NIN: variants seen among roughly 807,000 people sequenced by gnomAD.
NIN encodes the protein glycogen synthase kinase 3 beta-interacting protein.
Under a neutral mutation model 257.6 loss-of-function variants are expected in NIN, and 137 were observed. The ratio of observed to expected loss-of-function variants is 0.53; its 90% CI spans 0.46 to 0.61. NIN has a LOEUF of 0.61. Ranked by LOEUF, NIN falls within the 20% of genes least tolerant of loss-of-function variation. The probability of loss-of-function intolerance (pLI) is 0.00; values close to 1 mark genes in which losing one functional copy is unlikely to be tolerated. For synonymous variants in NIN, 918 were observed against 919.8 expected, an observed-to-expected ratio of 1.00 and a Z score of 0.04; for missense variants, 2,439 against 2,501.2, an observed-to-expected ratio of 0.98 and a Z score of 0.53.
At chr14:50,809,614 A>G (rs1213284726) in intron 3 of NIN, among the ~76,000 whole-genome samples, 1 of 152,210 alleles carries the variant, frequency 6.6e-6, no homozygotes, top group African/African-American at 2.4e-5. Flanking sequence ...GATGGAGGCC[A>G]TTGGAAATAA....
chr14:50,760,797 T>A lies in NIN; in HGVS notation c.1897-438A>T, dbSNP rs148941854. ...AAGCAATCCTCCCACCTCAGCCTCC[T>A]GAGTAGTTGGGACTAAAGGCACACA... On this transcript the variant is annotated intron_variant, in intron 16 of 30. Coordinates refer to ENST00000530997, the MANE Select transcript of NIN (RefSeq NM_020921.4). Among the ~76,000 whole-genome samples, 561 of 152,222 alleles carry A rather than the reference T, an allele frequency of 3.7e-3. 1 individual carries two copies. Among genetic ancestry groups the A allele is most frequent in the Non-Finnish European group, 5.6e-3 (383 of 68,008 alleles).
intron 2 of NIN, among the ~76,000 whole-genome samples, chr14:50,827,609 T>G (rs1276634798): frequency 9.0e-6 from 1 of 111,374 alleles, no homozygotes; most frequent in Non-Finnish European, 1.9e-5. Flanking sequence ...AAAAAAAAAA[T>G]AGCTAGGTGT....
At chr14:50,811,850 C>T (rs1011645446) in intron 3 of NIN, among the ~76,000 whole-genome samples, 4 of 152,008 alleles carry the variant, frequency 2.6e-5, no homozygotes, top group East Asian at 1.9e-4. Flanking sequence ...AAAAATTAGC[C>T]AGGCGTGGTG....
At chr14:50,789,847 C>A (rs1317917128) in intron 5 of NIN, among the ~76,000 whole-genome samples, 1 of 152,234 alleles carries the variant, frequency 6.6e-6, no homozygotes, top group East Asian at 1.9e-4. Flanking sequence ...AACTGCTAAG[C>A]CTAATATGGA....
In NIN at chr14:50,728,177, A is replaced by G. The variant is rs559004901; in HGVS notation, c.6078+1346T>C. Among the ~76,000 whole-genome samples the G allele has an allele frequency of 3.9e-5, 6 of 152,256 alleles. No individual in the cohort carries two copies. In the East Asian group the frequency reaches 9.6e-4, roughly 24 times the overall value. On this transcript the variant is annotated intron_variant, in intron 29 of 30. Coordinates refer to ENST00000530997, the MANE Select transcript of NIN (RefSeq NM_020921.4). The stretch of plus-strand genomic sequence containing the variant: ...GCAGGCTTTGAAAATAGGGTGTAAG[A>G]GAGCAATGAGAAGAATCTTGGCGGA...
Position 50,738,214 on chromosome 14 carries a change from T to TG in NIN, c.5700dup (p.Thr1901HisfsTer13). The TG allele has an allele frequency of 6.2e-7, 1 of 1,614,126 alleles. No individual in the cohort carries two copies. The highest frequency in any genetic ancestry group is 8.5e-7 in the Non-Finnish European group (1 of 1,179,992). On this transcript the variant is annotated frameshift_variant, in exon 27 of 31. Transcript: ENST00000530997. LOFTEE classifies it high-confidence loss of function. The stretch of plus-strand genomic sequence containing the variant: ...TTTAAGCTCAATTTTTCTTGCTCTG[T>TG]GGGATTCATGGTACCTGATGGGTTT...
intron 2 of NIN, among the ~76,000 whole-genome samples, chr14:50,827,277 G>A (rs959621173): frequency 7.2e-5 from 11 of 152,120 alleles, no homozygotes; most frequent in African/African-American, 1.9e-4. Context: ...GAATACTTCC[G>A]CCAAAAACCA....
intron 28 of NIN, among the ~76,000 whole-genome samples, chr14:50,734,311 C>T (rs1331788100): frequency 1.3e-5 from 2 of 151,912 alleles, no homozygotes; most frequent in African/African-American, 2.4e-5. Flanking sequence ...AGGCTGGTCT[C>T]GAACTCCTGA....
rs537830310 is a variant in NIN at position 50,732,960 on chromosome 14, T to C, written c.5877+2556A>G. 5.9e-5 allele frequency among the ~76,000 whole-genome samples: 9 copies of C among 151,968 alleles called. No homozygotes were observed. The South Asian group carries it at 1.9e-3, about 32-fold the overall frequency. ...AGAGATCAGGGAACTCCCAACACTT[T>C]GGGAGGCTGAGGTGGGAGGATTGCT... is the stretch of plus-strand genomic sequence containing the variant. On this transcript the variant is annotated intron_variant, in intron 28 of 30. Coordinates refer to ENST00000530997, the MANE Select transcript of NIN (RefSeq NM_020921.4).
In NIN at chr14:50,729,612, G is replaced by GCTGCAGAAA. The variant is rs758471630; in HGVS notation, c.5980_5988dup (p.Phe1994_Gln1996dup). ...TCTGCCTGCAGCAGCTGGCGTTGAAGCTGCAGAAACTGCTCCCTGGGCACC... is the reference window on the plus strand; with the variant it reads ...TCTGCCTGCAGCAGCTGGCGTTGAAGCTGCAGAAACTGCAGAAACTGCTCCCTGGGCACC... On this transcript the variant is annotated inframe_insertion, in exon 29 of 31. Transcript: ENST00000530997. The GCTGCAGAAA allele has an allele frequency of 4.5e-5, 72 of 1,613,986 alleles. No homozygotes were observed. In the African/African-American group the frequency reaches 8.9e-4, roughly 20 times the overall value.
intron 3 of NIN, among the ~76,000 whole-genome samples, chr14:50,813,573 T>A (rs2044741940): frequency 6.6e-6 from 1 of 152,258 alleles, no homozygotes; most frequent in Admixed American, 6.5e-5. Context: ...AAACGCAATT[T>A]GCTTTTTTTT....
At chr14:50,760,784 C>T (rs2042246605) in intron 16 of NIN, among the ~76,000 whole-genome samples, 1 of 152,058 alleles carries the variant, frequency 6.6e-6, no homozygotes. Context: ...GCAATCCTCC[C>T]ACCTCAGCCT....
At position 50,723,503 on chromosome 14, in the gene NIN, G is replaced by A; in HGVS notation, c.6362C>T (p.Thr2121Ile). ...AGGTGTAGAAGTCAATGGCGCTGGT[G>A]TCAGATTCCTAACTATATTACTGAG... ...ASLSNIVRNL[T>I]PAPLTSTPPL... is the part of the protein sequence containing the mutation. Residue 2121 changes from threonine (T) to isoleucine (I), a missense_variant, in exon 31 of 31, where the codon ACA becomes ATA. By Grantham distance (89) the Thr-to-Ile change is moderately conservative (BLOSUM62 -1). Around this residue, in one of 3 missense-constraint regions of NIN, gnomAD observed 2,043 missense variants for 2,050.2 expected, o/e 1.00. Transcript: ENST00000530997. 21 of 1,613,216 alleles carry A rather than the reference G, an allele frequency of 1.3e-5. No individual in the cohort carries two copies. The highest frequency in any genetic ancestry group is 1.7e-5 in the Non-Finnish European group (20 of 1,179,772).
At chr14:50,731,073 G>T in intron 28 of NIN, 1 of 496,568 alleles carries the variant, frequency 2.0e-6, no homozygotes, top group Non-Finnish European at 3.6e-6. Flanking sequence ...AGAAAGAACA[G>T]TACTAATTAG....
chr14:50,813,005 T>C (rs1342579631), intron 3 of NIN, among the ~76,000 whole-genome samples: 1 of 152,228 alleles, frequency 6.6e-6, no homozygotes, highest in Non-Finnish European at 1.5e-5. Context: ...TGGATTTAAA[T>C]AGCAGTAAAT....
intron 22 of NIN, 78 bp from the exon 23 acceptor site, chr14:50,744,443 T>C: frequency 6.9e-7 from 1 of 1,449,242 alleles, no homozygotes; most frequent in Non-Finnish European, 9.5e-7. Context: ...AAATAGGGCA[T>C]TTTCACAGCT....
chr14:50,827,563 C>T (rs770235182), intron 2 of NIN, among the ~76,000 whole-genome samples: 35 of 145,700 alleles, frequency 2.4e-4, no homozygotes, highest in African/African-American at 3.1e-4. Flanking sequence ...CTGGCTAACA[C>T]GTTGAAACCC....
chr14:50,739,509 A>G (rs1256956509), intron 25 of NIN, 22 bp from the exon 26 acceptor site: 1 of 1,607,394 alleles, frequency 6.2e-7, no homozygotes, highest in East Asian at 2.2e-5. Context: ...TGCAGAGTGT[A>G]AGCCTTAAAA....
chr14:50,722,382 A>G lies in NIN; in HGVS notation c.*1081T>C. On this transcript the variant is annotated 3_prime_UTR_variant, in exon 31 of 31. Coordinates refer to ENST00000530997, the MANE Select transcript of NIN (RefSeq NM_020921.4). ...AAACTCTTCTATAAGTCAGGTTTTTAACCCTAAAATCAAGGCCTTTTTTCC... is the reference window on the plus strand; with the variant it reads ...AAACTCTTCTATAAGTCAGGTTTTTGACCCTAAAATCAAGGCCTTTTTTCC... 4.7e-6 allele frequency: 1 copy of G among 213,920 alleles called. No individual in the cohort carries two copies. Among genetic ancestry groups the G allele is most frequent in the East Asian group, 7.0e-5 (1 of 14,340 alleles). 13.3% of individuals were successfully genotyped at this position (213,920 alleles called of 1,614,324 possible).
Sources: allele counts gnomAD v4.1 joint callset (sites outside exome capture counted in the v4.1 genomes callset), GRCh38; gene constraint gnomAD v4.1.1; regional missense constraint gnomAD v4.1.1; transcripts MANE v1.5; gene names NCBI Gene and HGNC (gene_info 2026-07-23, HGNC 2026-07-21).